The following GLB1L2 variants were observed in gnomAD, a reference collection of about 807,000 sequenced individuals.
GLB1L2 encodes galactosidase beta 1 like 2, also known as beta-galactosidase-1-like protein 2.
A neutral mutation model predicts 84.1 loss-of-function variants in GLB1L2; 68 were observed. That is an observed-to-expected ratio of 0.81 (90% CI 0.67 to 0.99). GLB1L2 has a LOEUF of 0.99. Among genes scored for constraint, GLB1L2 ranks in the 50% least tolerant of loss-of-function variants. The pLI, the probability that GLB1L2 is intolerant of heterozygous loss-of-function variation, is 0.00. For missense variants in GLB1L2, 762 were observed against 805.6 expected (o/e 0.95, Z 0.66); for synonymous variants, 290 against 318.0 (o/e 0.91, Z 0.94).
chr11:134,363,403 CT>C (rs1424985485), intron 7 of GLB1L2, among the ~76,000 whole-genome samples: 1 of 152,222 alleles, frequency 6.6e-6, no homozygotes, highest in African/African-American at 2.4e-5. Context: ...GGCTCAGCCT[CT>C]CTGGTGTGTG....
At chr11:134,361,372 G>A (rs759965594) in intron 7 of GLB1L2, 4 of 152,190 alleles carry the variant, frequency 2.6e-5, no homozygotes, top group Non-Finnish European at 5.9e-5. Context: ...TAGGTGATGA[G>A]TGTTCTTTCC....
rs759134647 is a variant in GLB1L2, at chr11:134,371,722, C to T, written c.1429-30C>T. The T allele has an allele frequency of 1.4e-5, 22 of 1,609,468 alleles. No homozygotes were observed. In the East Asian group the frequency reaches 4.9e-4, roughly 36 times the overall value. On this transcript the variant is annotated intron_variant, in intron 14 of 18. Transcript: ENST00000535456. ...CTGAGGGGCAGCTGTGGCCTTCTGACAGTCATCGTTAGCCCCGTGTTCCCG... is the reference window on the plus strand; with the variant it reads ...CTGAGGGGCAGCTGTGGCCTTCTGATAGTCATCGTTAGCCCCGTGTTCCCG...
Position 134,370,474 on chromosome 11 carries a change from G to A in GLB1L2, c.1215+75G>A, listed in dbSNP as rs1943936302. 1.7e-6 allele frequency: 2 copies of A among 1,158,794 alleles called. No homozygotes were observed. The highest frequency in any genetic ancestry group is 3.0e-5 in the African/African-American group (2 of 66,174). The allele number at this position is 1,158,794 out of a possible 1,614,324, so 71.8% of individuals were successfully genotyped here. On this transcript the variant is annotated intron_variant, in intron 12 of 18. Coordinates refer to ENST00000535456, the MANE Select transcript of GLB1L2 (RefSeq NM_001370461.1). This position sits in a 1 kb window ranked among gnomAD's most constrained non-coding sequence, Gnocchi z 4.7. ...CGTTGGCAGGGAGGTGAGTGCTGGG[G>A]GCAGTCGTCGGCGGGAGGTGAGAGT...
chr11:134,333,673 G>T (rs1943337662), intron 1 of GLB1L2, among the ~76,000 whole-genome samples: 2 of 152,206 alleles, frequency 1.3e-5, no homozygotes, highest in South Asian at 4.1e-4. Flanking sequence ...AGGTGAGGTG[G>T]CAGGGAGCTG....
intron 16 of GLB1L2, 82 bp downstream of exon 16, chr11:134,373,890 G>T (rs975734993): frequency 9.5e-7 from 1 of 1,047,398 alleles, no homozygotes; most frequent in African/African-American, 1.6e-5. Context: ...GGTGCACCGT[G>T]GCCTGGCCCG....
intron 16 of GLB1L2, 107 bp downstream of exon 16, chr11:134,373,915 C>T (rs984605737): frequency 6.2e-5 from 54 of 873,310 alleles, no homozygotes; most frequent in Middle Eastern, 5.8e-4. Context: ...CAGGTGTGAA[C>T]GCCTCCAGGG....
Position 134,334,727 on chromosome 11 carries a change from T to G in GLB1L2, c.86+2580T>G, listed in dbSNP as rs145308464. Reference sequence around the variant, plus strand: ...CCGACACGATATATTGGTTTGCATTTTCTAGTGTTTTATAGAATTGTAATC... The same window carrying G: ...CCGACACGATATATTGGTTTGCATTGTCTAGTGTTTTATAGAATTGTAATC... On this transcript the variant is annotated intron_variant, in intron 1 of 18. Transcript: ENST00000535456. This position sits in a 1 kb window ranked among gnomAD's most constrained non-coding sequence, Gnocchi z 4.1. Among the ~76,000 whole-genome samples the G allele has an allele frequency of 6.6e-5, 10 of 152,298 alleles. No homozygotes were observed. The East Asian group carries it at 1.9e-3, about 29-fold the overall frequency.
intron 5 of GLB1L2, 23 bp downstream of exon 5, chr11:134,347,456 T>G (rs775286966): frequency 6.6e-7 from 1 of 1,508,112 alleles, no homozygotes; most frequent in Non-Finnish European, 9.2e-7. Context: ...GGGGTCTTCT[T>G]TGATCTTGGT....
In GLB1L2 at chr11:134,364,482, C is replaced by T. The variant is rs79881383; in HGVS notation, c.804+84C>T. The T allele has an allele frequency of 1.2e-3, 1,377 of 1,115,524 alleles. 11 individuals carry two copies. In the African/African-American group the frequency reaches 0.019, roughly 15 times the overall value. 69.1% of individuals were successfully genotyped at this position (1,115,524 alleles called of 1,614,324 possible). On this transcript the variant is annotated intron_variant, in intron 8 of 18. Coordinates refer to ENST00000535456, the MANE Select transcript of GLB1L2 (RefSeq NM_001370461.1). ...GAATGCCTGTCAGCGTGCTCAGCTT[C>T]CCCAGCGCAGGGAGCTGGACTCAGG... is the stretch of plus-strand genomic sequence containing the variant.
At position 134,373,833 on chromosome 11, in the gene GLB1L2, C is replaced by T. The variant is rs74793273; in HGVS notation, c.1595+25C>T. 8.9e-4 allele frequency: 1,326 copies of T among 1,490,198 alleles called. 19 individuals carry two copies. The African/African-American group carries it at 0.016, about 18-fold the overall frequency. The allele number at this position is 1,490,198 out of a possible 1,614,324, so 92.3% of individuals were successfully genotyped here. ...GGTGGGTCCCTGCCCAGCACCAGCC[C>T]TTGCACTCACAGGTATAGTGCTGTG... On this transcript the variant is annotated intron_variant, in intron 16 of 18. Transcript: ENST00000535456.
Position 134,332,156 on chromosome 11 carries a change from G to C in GLB1L2, c.86+9G>C, listed in dbSNP as rs1383127538. The C allele has an allele frequency of 1.3e-6, 2 of 1,546,056 alleles. No homozygotes were observed. Among genetic ancestry groups the C allele is most frequent in the Non-Finnish European group, 1.7e-6 (2 of 1,143,058 alleles). Reference sequence around the variant, plus strand: ...TTCCTGGTGCTCCGCAGGTGAGAGAGAGCTTCGCGCAGCACCTGCCGGACC... The same window carrying C: ...TTCCTGGTGCTCCGCAGGTGAGAGACAGCTTCGCGCAGCACCTGCCGGACC... On this transcript the variant is annotated intron_variant, in intron 1 of 18. Transcript: ENST00000535456.
At position 134,342,875 on chromosome 11, in the gene GLB1L2, T is replaced by G. The variant is rs1275530939; in HGVS notation, c.208T>G (p.Tyr70Asp). The change falls in exon 2 of 19, where the codon TAT (tyrosine) becomes GAT (aspartate). Residue 70 changes from tyrosine (Y) to aspartate (D), a missense_variant. By Grantham distance (160) the Tyr-to-Asp change is radical. Transcript: ENST00000535456. ...TFWIFGGSIH[Y>D]FRVPREYWRD... ...CTGGATCTTCGGGGGCTCCATCCAC[T>G]ATTTCCGTGTGCCCAGGGAGTACTG... The G allele has an allele frequency of 1.2e-6, 2 of 1,614,070 alleles. No homozygotes were observed. The highest frequency in any genetic ancestry group is 3.3e-5 in the Admixed American group (2 of 60,030).
chr11:134,369,341 C>T (rs1006599433), intron 10 of GLB1L2, among the ~76,000 whole-genome samples: 5 of 152,162 alleles, frequency 3.3e-5, no homozygotes, highest in Non-Finnish European at 2.9e-5. Flanking sequence ...TACAGGTGTG[C>T]ACCCCCACCT....
chr11:134,369,785 C>A lies in GLB1L2; in HGVS notation c.1028-20C>A. On this transcript the variant is annotated intron_variant, in intron 10 of 18. Transcript: ENST00000535456. ...GTGCTGGGGACAGGAATGACCATGACAGGGCCCGGTGTCTTGCAGACTATG... is the reference window on the plus strand; with the variant it reads ...GTGCTGGGGACAGGAATGACCATGAAAGGGCCCGGTGTCTTGCAGACTATG... 6.2e-7 allele frequency: 1 copy of A among 1,602,444 alleles called. No individual in the cohort carries two copies. The highest frequency in any genetic ancestry group is 8.5e-7 in the Non-Finnish European group (1 of 1,170,400).
In GLB1L2 at chr11:134,373,727, T is replaced by C. The variant is rs773090612; in HGVS notation, c.1514T>C (p.Ile505Thr). ...TCCTGCCTCCCTCCCACAGGCTTAA[T>C]TGGAAATCTCTATCTGAATGATTCA... ...ENIDDQRKGL[I>T]GNLYLNDSPL... Residue 505 changes from isoleucine to threonine, a missense_variant, in exon 16 of 19, where the codon ATT becomes ACT. Physicochemically the swap from Ile to Thr is moderately conservative, Grantham distance 89. Coordinates refer to ENST00000535456, the MANE Select transcript of GLB1L2 (RefSeq NM_001370461.1). 1.4e-5 allele frequency: 23 copies of C among 1,610,004 alleles called. No individual in the cohort carries two copies. In the South Asian group the frequency reaches 2.4e-4, roughly 17 times the overall value.
chr11:134,354,583 C>A (rs1175373146), intron 5 of GLB1L2, among the ~76,000 whole-genome samples: 1 of 151,648 alleles, frequency 6.6e-6, no homozygotes. Flanking sequence ...CTTAGCTTTA[C>A]TTTGGGAATT....
chr11:134,351,940 T>A (rs544530330), intron 5 of GLB1L2, among the ~76,000 whole-genome samples: 1 of 152,344 alleles, frequency 6.6e-6, no homozygotes, highest in African/African-American at 2.4e-5. Flanking sequence ...AAGAGTTTAT[T>A]ACTGTATTCT....
At chr11:134,371,573 G>T in intron 14 of GLB1L2, 81 bp downstream of exon 14, 1 of 1,054,940 alleles carries the variant, frequency 9.5e-7, no homozygotes, top group Non-Finnish European at 1.5e-6. Flanking sequence ...AGGAAAACCT[G>T]GGAGACCCGT....
At chr11:134,332,460 C>T (rs1943315165) in intron 1 of GLB1L2, among the ~76,000 whole-genome samples, 1 of 152,090 alleles carries the variant, frequency 6.6e-6, no homozygotes, top group Admixed American at 6.5e-5. Context: ...GCCCTCCAGC[C>T]GTCAGAGCCC....
Sources: gnomAD v4.1 joint callset for allele counts (sites outside exome capture counted in the v4.1 genomes callset) on GRCh38, gnomAD v4.1.1 for gene constraint, Gnocchi (gnomAD v3.1) non-coding constraint, MANE v1.5 for transcripts, NCBI Gene and HGNC (gene_info 2026-07-23, HGNC 2026-07-21) for gene names.